The following COL21A1 variants were observed in gnomAD, a reference collection of about 807,000 sequenced individuals.
The protein encoded by COL21A1 is collagen type XXI alpha 1 chain.
COL21A1 carries 149 observed loss-of-function variants against 137.9 expected under a neutral mutation model. That is an observed-to-expected ratio of 1.08 (90% CI 0.95 to 1.24). The LOEUF (loss-of-function observed/expected upper bound fraction) is 1.24. Ranked by LOEUF, COL21A1 falls within the 50% of genes most tolerant of loss-of-function variation. COL21A1 has a pLI of 0.00. For synonymous variants in COL21A1, 456 were observed against 391.5 expected (o/e 1.16, Z -1.95); for missense variants, 1,167 against 1,158.4 (o/e 1.01, Z -0.11).
chr6:56,135,586 A>G (rs1342186624), intron 12 of COL21A1, among the ~76,000 whole-genome samples: 1 of 152,146 alleles, frequency 6.6e-6, no homozygotes, highest in Non-Finnish European at 1.5e-5. Flanking sequence ...CCAATAATCA[A>G]TTTCACTTCC....
At chr6:56,250,276 T>C (rs945730076), upstream of COL21A1, among the ~76,000 whole-genome samples, 1 of 152,206 alleles carries the variant, frequency 6.6e-6, no homozygotes, top group Non-Finnish European at 1.5e-5. Flanking sequence ...AGGTTTTAAA[T>C]GAATTAACAT....
chr6:56,158,136 T>A (rs1775896018), intron 9 of COL21A1, among the ~76,000 whole-genome samples: 2 of 152,080 alleles, frequency 1.3e-5, no homozygotes, highest in Admixed American at 1.3e-4. Flanking sequence ...TATCTCTGAA[T>A]TCGTGAAGTC....
chr6:56,071,487 A>T (rs896824595), intron 20 of COL21A1, among the ~76,000 whole-genome samples: 1 of 151,594 alleles, frequency 6.6e-6, no homozygotes, highest in African/African-American at 2.4e-5. Flanking sequence ...GTCTGGCAAA[A>T]GCCCATAATT....
chr6:56,253,317 C>G (rs1300981336), intron 1 of COL21A1, among the ~76,000 whole-genome samples: 1 of 148,234 alleles, frequency 6.7e-6, no homozygotes, highest in Non-Finnish European at 1.5e-5. Flanking sequence ...CTGGGACATT[C>G]AACCTGCCAG....
chr6:56,203,519 G>A (rs1424581471), intron 1 of COL21A1, among the ~76,000 whole-genome samples: 1 of 152,208 alleles, frequency 6.6e-6, no homozygotes, highest in African/African-American at 2.4e-5. Context: ...GCAGATTCCA[G>A]ATCTGGGGCA....
chr6:56,331,560 T>C (rs1765225440), intron 1 of COL21A1, among the ~76,000 whole-genome samples: 2 of 150,778 alleles, frequency 1.3e-5, no homozygotes, highest in Admixed American at 6.7e-5. Context: ...TATTTTTTTG[T>C]CAACTTTGCC....
chr6:56,101,936 T>C (rs1770498521), intron 16 of COL21A1, among the ~76,000 whole-genome samples: 1 of 152,124 alleles, frequency 6.6e-6, no homozygotes, highest in Non-Finnish European at 1.5e-5. Flanking sequence ...CATTTTAAAG[T>C]AAAAACAAAA....
At chr6:56,270,732 TGTTCTCATGATAGTGAAGGA>T (rs1412961919) in intron 1 of COL21A1, among the ~76,000 whole-genome samples, 1 of 152,182 alleles carries the variant, frequency 6.6e-6, no homozygotes, top group Non-Finnish European at 1.5e-5. Context: ...TCTCCAATGC[TGTTCTCATGATAGTGAAGGA>T]GTTCTCATGA....
intron 1 of COL21A1, among the ~76,000 whole-genome samples, chr6:56,225,462 G>A (rs1781126757): frequency 6.6e-6 from 1 of 152,146 alleles, no homozygotes; most frequent in Admixed American, 6.6e-5. Flanking sequence ...CTCTAGCCCA[G>A]ACAGAATCTA....
intron 1 of COL21A1, among the ~76,000 whole-genome samples, chr6:56,336,962 A>G (rs541448670): frequency 9.7e-4 from 148 of 152,282 alleles, no homozygotes; most frequent in Non-Finnish European, 1.7e-3. Context: ...AATACTCTCT[A>G]TGCCTTTTTT....
At chr6:56,073,323 A>G (rs1766920791) in intron 20 of COL21A1, among the ~76,000 whole-genome samples, 1 of 151,454 alleles carries the variant, frequency 6.6e-6, no homozygotes, top group East Asian at 1.9e-4. Flanking sequence ...CCCACAATAC[A>G]CCAAGGATCC....
At chr6:56,276,745 G>A in intron 1 of COL21A1, 1 of 1,307,594 alleles carries the variant, frequency 7.6e-7, no homozygotes, top group Non-Finnish European at 1.1e-6. Flanking sequence ...CTGCCATCAA[G>A]TATCCAAATC....
At chr6:56,359,368 T>C (rs1581772158) in intron 1 of COL21A1, among the ~76,000 whole-genome samples, 3 of 152,268 alleles carry the variant, frequency 2.0e-5, no homozygotes, top group African/African-American at 7.2e-5. Context: ...CCCTTCAAAA[T>C]GAACTATGAC....
chr6:56,335,634 T>C (rs561866433), intron 1 of COL21A1, among the ~76,000 whole-genome samples: 1 of 152,284 alleles, frequency 6.6e-6, no homozygotes, highest in Admixed American at 6.5e-5. Flanking sequence ...AAACTCTTCA[T>C]TTTTCCACTT....
chr6:56,199,794 G>A (rs1027757977), intron 1 of COL21A1, among the ~76,000 whole-genome samples: 5 of 152,050 alleles, frequency 3.3e-5, no homozygotes, highest in Admixed American at 6.6e-5. Flanking sequence ...TTCATTCAAC[G>A]ACAAACATTT....
Position 56,264,618 on chromosome 6 carries a change from C to T in COL21A1, c.-38-81962G>A, listed in dbSNP as rs548204243. Among the ~76,000 whole-genome samples, 6 of 152,220 alleles carry T rather than the reference C, an allele frequency of 3.9e-5. No homozygotes were observed. In the East Asian group the frequency reaches 5.8e-4, roughly 15 times the overall value. On this transcript the variant is annotated intron_variant, in intron 1 of 28. Coordinates refer to the COL21A1 transcript ENST00000370819. The stretch of plus-strand genomic sequence containing the variant: ...AGTTGGGACCCATTTAACTAATTGC[C>T]GTGTGAGATTTCCAATAAAATGCCT...
At chr6:56,110,600 CAA>C (rs1379465142) in intron 16 of COL21A1, among the ~76,000 whole-genome samples, 1 of 151,388 alleles carries the variant, frequency 6.6e-6, no homozygotes, top group Non-Finnish European at 1.5e-5. Flanking sequence ...GAGAAATCAA[CAA>C]AAAAAGTTGC....
chr6:56,301,690 T>C (rs1273515860), intron 1 of COL21A1, among the ~76,000 whole-genome samples: 1 of 148,060 alleles, frequency 6.8e-6, no homozygotes, highest in East Asian at 1.9e-4. Flanking sequence ...CACATGTGGC[T>C]ATTTTAATTT....
chr6:56,191,752 G>C (rs540140698), intron 1 of COL21A1, among the ~76,000 whole-genome samples: 1 of 152,016 alleles, frequency 6.6e-6, no homozygotes, highest in Admixed American at 6.6e-5. Context: ...GGACACAAAC[G>C]AATGGGAAAA....
Sources: allele counts gnomAD v4.1 joint callset (sites outside exome capture counted in the v4.1 genomes callset), GRCh38; gene constraint gnomAD v4.1.1; transcripts MANE v1.5; gene names NCBI Gene and HGNC (gene_info 2026-07-23, HGNC 2026-07-21).